FRMD6: variants seen among roughly 807,000 people sequenced by gnomAD.
FRMD6 encodes FERM domain containing 6.
Under a neutral mutation model 73.2 loss-of-function variants are expected in FRMD6, and 37 were observed. The observed-to-expected ratio is 0.51, with a 90% confidence interval of 0.39 to 0.66. FRMD6 has a LOEUF of 0.66. Among genes scored for constraint, FRMD6 ranks in the 30% least tolerant of loss-of-function variants. The pLI is 0.00. For synonymous variants in FRMD6, 273 were observed against 282.2 expected (o/e 0.97, Z 0.33); for missense variants, 714 against 780.5 (o/e 0.91, Z 1.02).
chr14:51,673,531 C>T (rs186995373), intron 1 of FRMD6, among the ~76,000 whole-genome samples: 1 of 152,260 alleles, frequency 6.6e-6, no homozygotes, highest in East Asian at 1.9e-4. Flanking sequence ...TTAGGCTCAC[C>T]TAGTTTGTTT....
chr14:51,530,279 G>A lies in FRMD6; in HGVS notation c.-209-40069G>A, dbSNP rs368149339. Among the ~76,000 whole-genome samples, 4 of 152,108 alleles carry A rather than the reference G, an allele frequency of 2.6e-5. No homozygotes were observed. The East Asian group carries it at 7.7e-4, about 29-fold the overall frequency. On this transcript the variant is annotated intron_variant, in intron 1 of 14. Transcript: ENST00000356218. ...TCTCTTCCCAGCTCCACTCTCCGTG[G>A]CGTCACACTGGAAGCTGAAATGGGG...
rs1437596568 is a variant in FRMD6 at position 51,715,431 on chromosome 14, A to G, written c.956A>G (p.Asn319Ser). 6.2e-7 allele frequency: 1 copy of G among 1,613,964 alleles called. No individual in the cohort carries two copies. Among genetic ancestry groups the G allele is most frequent in the Non-Finnish European group, 8.5e-7 (1 of 1,179,892 alleles). Residue 319 changes from asparagine to serine, a missense_variant, in exon 10 of 14, where the codon AAC becomes AGC. Transcript: ENST00000344768. The stretch of plus-strand genomic sequence containing the variant: ...AGACACCTCCTGCAACTTCTGAGCA[A>G]CAGCCACCGCCTCTATATGAATCTG... ...RSRHLLQLLSNSHRLYMNLQP... is the reference protein window; with the variant it reads ...RSRHLLQLLSSSHRLYMNLQP...
intron 2 of FRMD6, among the ~76,000 whole-genome samples, chr14:51,594,284 C>T (rs1889576467): frequency 6.7e-6 from 1 of 149,252 alleles, no homozygotes; most frequent in African/African-American, 2.5e-5. Context: ...ACCACCACGC[C>T]CAGCTAATTT....
chr14:51,579,736 C>T (rs919815741), intron 2 of FRMD6, among the ~76,000 whole-genome samples: 1 of 152,092 alleles, frequency 6.6e-6, no homozygotes, highest in African/African-American at 2.4e-5. Context: ...GTGTATTCCT[C>T]CTCTCTCACT....
At chr14:51,433,369 G>A in the FRMD6 span, among the ~76,000 whole-genome samples, 4 of 152,112 alleles carry the variant, frequency 2.6e-5, no homozygotes, top group African/African-American at 9.7e-5. Context: ...TAAAAAAAAT[G>A]AGGAAAATCT....
intron 5 of FRMD6, 188 bp from the exon 6 acceptor site, chr14:51,704,558 TGAC>T: frequency 1.8e-6 from 1 of 543,570 alleles, no homozygotes; most frequent in Non-Finnish European, 3.3e-6. Context: ...TTTGGGGTTC[TGAC>T]CCCCTGCAAC....
At chr14:51,461,890 C>T in the FRMD6 span, among the ~76,000 whole-genome samples, 1 of 152,176 alleles carries the variant, frequency 6.6e-6, no homozygotes, top group Non-Finnish European at 1.5e-5. Context: ...GTTTTCTCAC[C>T]CACATATTGG....
At chr14:51,469,473 C>A in the FRMD6 span, among the ~76,000 whole-genome samples, 66 of 150,994 alleles carry the variant, frequency 4.4e-4, no homozygotes, top group African/African-American at 1.6e-3. Flanking sequence ...CTTAGCCGAG[C>A]GTGGTGGCAG....
intron 6 of FRMD6, 80 bp from the exon 7 acceptor site, chr14:51,707,998 C>T: frequency 7.3e-7 from 1 of 1,378,236 alleles, no homozygotes; most frequent in Non-Finnish European, 1.0e-6. Flanking sequence ...GCTTCTCATT[C>T]TTTCATCATT....
chr14:51,690,682 T>G (rs1895499930), intron 2 of FRMD6, among the ~76,000 whole-genome samples: 1 of 152,140 alleles, frequency 6.6e-6, no homozygotes, highest in African/African-American at 2.4e-5. Context: ...GCGCCCAGCC[T>G]TAGATAGCTT....
At chr14:51,507,478 T>C (rs949179269) in intron 1 of FRMD6, among the ~76,000 whole-genome samples, 1 of 152,168 alleles carries the variant, frequency 6.6e-6, no homozygotes, top group Admixed American at 6.5e-5. Context: ...GGAGCTAAAT[T>C]AGGTAGAGAC....
At chr14:51,455,087 G>T in the FRMD6 span, among the ~76,000 whole-genome samples, 1 of 152,184 alleles carries the variant, frequency 6.6e-6, no homozygotes. Context: ...GAGCCAGTGA[G>T]CAGTAGTCAA....
intron 1 of FRMD6, among the ~76,000 whole-genome samples, chr14:51,509,234 C>T (rs974307161): frequency 1.3e-5 from 2 of 152,254 alleles, no homozygotes; most frequent in African/African-American, 4.8e-5. Flanking sequence ...TAAATGAAAA[C>T]GAGTCATAGC....
chr14:51,671,353 A>G lies in FRMD6; in HGVS notation c.-146-18338A>G, dbSNP rs1029387765. Among the ~76,000 whole-genome samples, 3 of 152,232 alleles carry G rather than the reference A, an allele frequency of 2.0e-5. No individual in the cohort carries two copies. The East Asian group carries it at 5.8e-4, about 29-fold the overall frequency. On this transcript the variant is annotated intron_variant, in intron 1 of 13. Coordinates refer to ENST00000344768, the MANE Select transcript of FRMD6 (RefSeq NM_001267046.2). ...TGAACATTGATAGAGTTTACCAGTG[A>G]TGCCATCTGAGCCTAGAATTTTCTT...
chr14:51,443,104 C>G, the FRMD6 span, among the ~76,000 whole-genome samples: 9 of 152,188 alleles, frequency 5.9e-5, no homozygotes, highest in African/African-American at 1.9e-4. Context: ...GGCTTCTCCC[C>G]CTTCTTGCCA....
chr14:51,442,647 G>A, the FRMD6 span, among the ~76,000 whole-genome samples: 1 of 152,170 alleles, frequency 6.6e-6, no homozygotes, highest in Non-Finnish European at 1.5e-5. Context: ...CAGAAACTAT[G>A]CCTTTTAAAT....
chr14:51,684,368 C>G (rs552747172), intron 1 of FRMD6, among the ~76,000 whole-genome samples: 3 of 152,244 alleles, frequency 2.0e-5, no homozygotes, highest in South Asian at 4.1e-4. Context: ...AACTTCAAAG[C>G]TATTCCAAAG....
At chr14:51,464,464 C>T in the FRMD6 span, among the ~76,000 whole-genome samples, 2 of 152,122 alleles carry the variant, frequency 1.3e-5, no homozygotes, top group Admixed American at 6.5e-5. Context: ...TGGTCCCTAA[C>T]TTAGAACAGA....
Position 51,719,068 on chromosome 14 carries a change from T to A in FRMD6, c.1025-987T>A, listed in dbSNP as rs74054405. Among the ~76,000 whole-genome samples, 986 of 152,352 alleles carry A rather than the reference T, an allele frequency of 6.5e-3. 10 individuals carry two copies. Among genetic ancestry groups the A allele is most frequent in the African/African-American group, 0.023 (937 of 41,580 alleles). ...TGCACTCTCCATTTTTAACATTGTT[T>A]TATTGTATTATTTCTCACCAGTATT... On this transcript the variant is annotated intron_variant, in intron 10 of 13. Transcript: ENST00000344768.
Sources: allele counts gnomAD v4.1 joint callset (sites outside exome capture counted in the v4.1 genomes callset), GRCh38; gene constraint gnomAD v4.1.1; transcripts MANE v1.5; gene names NCBI Gene and HGNC (gene_info 2026-07-23, HGNC 2026-07-21).